The following GPHN variants were observed in gnomAD, a reference collection of about 807,000 sequenced individuals.
GPHN encodes gephyrin.
In GPHN, 17 loss-of-function variants were observed where a neutral mutation model predicts 95.5. The ratio of observed to expected loss-of-function variants is 0.18; its 90% CI spans 0.12 to 0.27. The LOEUF is 0.27. Among genes scored for constraint, GPHN ranks in the 10% least tolerant of loss-of-function variants. The pLI, the probability that GPHN is intolerant of heterozygous loss-of-function variation, is 1.00. For synonymous variants in GPHN, 320 were observed against 322.5 expected (o/e 0.99, Z 0.08); for missense variants, 660 against 978.1 (o/e 0.67, Z 4.34).
intron 3 of GPHN, among the ~76,000 whole-genome samples, chr14:66,822,152 A>G (rs1296371565): frequency 2.6e-5 from 4 of 152,100 alleles, no homozygotes; most frequent in African/African-American, 9.7e-5. Flanking sequence ...GCGTTTCACC[A>G]TCTTGGCCTG....
At chr14:66,738,843 T>A (rs1315897322) in intron 2 of GPHN, among the ~76,000 whole-genome samples, 1 of 152,200 alleles carries the variant, frequency 6.6e-6, no homozygotes, top group Non-Finnish European at 1.5e-5. Flanking sequence ...TTGAGAATGT[T>A]TGTTCCCCAC....
Position 67,180,966 on chromosome 14 carries a change from C to G in GPHN, c.*29C>G, listed in dbSNP as rs776622916. On this transcript the variant is annotated 3_prime_UTR_variant, in exon 23 of 23. Coordinates refer to ENST00000478722, the MANE Select transcript of GPHN (RefSeq NM_020806.5). The stretch of plus-strand genomic sequence containing the variant: ...TCACCAGCAGGAGAAAGCTTTGATG[C>G]ATGTCCACATATCATTGACTGTATC... The G allele has an allele frequency of 5.0e-6, 8 of 1,609,860 alleles. No homozygotes were observed. Among genetic ancestry groups the G allele is most frequent in the Non-Finnish European group, 6.0e-6 (7 of 1,176,310 alleles).
intron 6 of GPHN, among the ~76,000 whole-genome samples, chr14:66,921,875 G>A (rs1387724062): frequency 6.6e-6 from 1 of 152,118 alleles, no homozygotes; most frequent in Non-Finnish European, 1.5e-5. Context: ...ATAGATCAAT[G>A]GAACAGAATA....
the GPHN span, among the ~76,000 whole-genome samples, chr14:67,689,731 G>A: frequency 6.6e-6 from 1 of 152,130 alleles, no homozygotes; most frequent in Non-Finnish European, 1.5e-5. Context: ...ATCACCTGAG[G>A]TCACGAGTTC....
intron 1 of GPHN, among the ~76,000 whole-genome samples, chr14:66,645,425 G>A (rs779034095): frequency 4.6e-5 from 7 of 151,996 alleles, no homozygotes; most frequent in Non-Finnish European, 7.4e-5. Flanking sequence ...TGTGGCTCAC[G>A]TGTGTAATCC....
At chr14:66,683,832 C>T (rs1366373547) in intron 2 of GPHN, among the ~76,000 whole-genome samples, 2 of 151,608 alleles carry the variant, frequency 1.3e-5, no homozygotes, top group African/African-American at 4.8e-5. Flanking sequence ...AAAAAATTAG[C>T]CAGGCGTGGT....
chr14:66,618,489 C>G (rs1418991416), intron 1 of GPHN, among the ~76,000 whole-genome samples: 4 of 151,918 alleles, frequency 2.6e-5, no homozygotes, highest in Admixed American at 2.0e-4. Flanking sequence ...AAATGTTAAT[C>G]CAATATTGCA....
chr14:66,817,362 A>G (rs2061016132), intron 3 of GPHN, among the ~76,000 whole-genome samples: 1 of 152,176 alleles, frequency 6.6e-6, no homozygotes, highest in Non-Finnish European at 1.5e-5. Flanking sequence ...TAAATATAAT[A>G]CATCAAGCTT....
the GPHN span, among the ~76,000 whole-genome samples, chr14:67,469,457 T>TG: frequency 6.8e-6 from 1 of 146,418 alleles, no homozygotes; most frequent in Non-Finnish European, 1.5e-5. Flanking sequence ...TTTTTTTTTT[T>TG]TTTTTTTTGT....
chr14:66,927,803 T>C (rs1392483504), intron 8 of GPHN, among the ~76,000 whole-genome samples: 1 of 152,132 alleles, frequency 6.6e-6, no homozygotes, highest in Admixed American at 6.5e-5. Flanking sequence ...GATCATACGG[T>C]TTTTGTCATT....
chr14:66,623,264 A>T (rs966069835), intron 1 of GPHN, among the ~76,000 whole-genome samples: 9 of 152,074 alleles, frequency 5.9e-5, no homozygotes, highest in African/African-American at 2.2e-4. Context: ...CAGCACACGA[A>T]AGACCCACCC....
At chr14:66,895,245 G>A (rs79655158) in intron 5 of GPHN, among the ~76,000 whole-genome samples, 2,302 of 152,184 alleles carry the variant, frequency 0.015, 33 homozygotes, top group Non-Finnish European at 0.018. Context: ...ATTCTCATCA[G>A]ACTATCGCAA....
At chr14:66,898,363 T>G (rs562781030) in intron 5 of GPHN, among the ~76,000 whole-genome samples, 142 of 151,562 alleles carry the variant, frequency 9.4e-4, no homozygotes, top group Non-Finnish European at 1.7e-3. Flanking sequence ...TCCATTTGAG[T>G]TGATTTTTTT....
chr14:67,724,153 T>C, the GPHN span, among the ~76,000 whole-genome samples: 4 of 152,230 alleles, frequency 2.6e-5, no homozygotes, highest in Admixed American at 1.3e-4. Context: ...CTGGAACCTC[T>C]AGAGATAAGA....
chr14:67,662,915 A>AAG, the GPHN span: 21 of 1,281,866 alleles, frequency 1.6e-5, no homozygotes, highest in South Asian at 9.7e-5. Context: ...AAAAAAAAAA[A>AAG]AAAAAAGAAT....
At chr14:67,688,681 G>T in the GPHN span, among the ~76,000 whole-genome samples, 2 of 150,750 alleles carry the variant, frequency 1.3e-5, no homozygotes, top group South Asian at 4.2e-4. Context: ...GTGATCCTCC[G>T]GTTTTGGCCT....
intron 9 of GPHN, chr14:66,969,723 G>C (rs1955604): frequency 0.3 from 45,438 of 151,128 alleles, 10,320 homozygotes; most frequent in African/African-American, 0.62. Flanking sequence ...ATTGCTTGAA[G>C]CTGGGAGGCA....
chr14:67,424,976 C>T, the GPHN span, among the ~76,000 whole-genome samples: 1 of 152,314 alleles, frequency 6.6e-6, no homozygotes, highest in Non-Finnish European at 1.5e-5. Context: ...TCTTCTCAGT[C>T]CCCTTTGGAT....
chr14:67,383,032 C>T, the GPHN span, among the ~76,000 whole-genome samples: 2 of 152,072 alleles, frequency 1.3e-5, no homozygotes, highest in Admixed American at 6.6e-5. Context: ...TTGAAAGATA[C>T]AGCCATTGGG....
Sources: gnomAD v4.1 joint callset for allele counts (sites outside exome capture counted in the v4.1 genomes callset) on GRCh38, gnomAD v4.1.1 for gene constraint, MANE v1.5 for transcripts, NCBI Gene and HGNC (gene_info 2026-07-23, HGNC 2026-07-21) for gene names.